ASTN2: variants seen among roughly 807,000 people sequenced by gnomAD.
ASTN2 encodes astrotactin 2.
A neutral mutation model predicts 139.8 loss-of-function variants in ASTN2; 54 were observed. The ratio of observed to expected loss-of-function variants is 0.39; its 90% confidence interval spans 0.31 to 0.48. The LOEUF is 0.48. Ranked by LOEUF, ASTN2 falls within the 20% of genes least tolerant of loss-of-function variation. The probability of loss-of-function intolerance (pLI) is 0.95; values close to 1 mark genes in which losing one functional copy is unlikely to be tolerated. For synonymous variants in ASTN2, 756 were observed against 719.5 expected (o/e 1.05, Z -0.81); for missense variants, 1,565 against 1,725.1 (o/e 0.91, Z 1.64).
intron 11 of ASTN2, among the ~76,000 whole-genome samples, chr9:116,822,207 T>C (rs2416575): frequency 0.79 from 120,028 of 150,988 alleles, 47,805 homozygotes; most frequent in East Asian, 0.91. Context: ...AAAAAAAAGG[T>C]CAGCCCTCTT....
chr9:116,806,568 G>A (rs1470125667), intron 12 of ASTN2, among the ~76,000 whole-genome samples: 1 of 152,140 alleles, frequency 6.6e-6, no homozygotes, highest in African/African-American at 2.4e-5. Context: ...TCAAAGTTCA[G>A]CGCTAAGCAC....
intron 7 of ASTN2, among the ~76,000 whole-genome samples, chr9:117,002,977 G>A (rs968662073): frequency 3.3e-5 from 5 of 152,136 alleles, no homozygotes; most frequent in Non-Finnish European, 7.3e-5. Context: ...TGGGCTGAAC[G>A]TGTAGGAAAT....
chr9:116,513,934 G>A (rs540358232), intron 19 of ASTN2, among the ~76,000 whole-genome samples: 9 of 151,782 alleles, frequency 5.9e-5, no homozygotes, highest in Middle Eastern at 3.4e-3. Flanking sequence ...TCTTCTTTGC[G>A]ATGGGTTCGA....
intron 19 of ASTN2, among the ~76,000 whole-genome samples, chr9:116,614,256 A>G (rs1855716433): frequency 6.6e-6 from 1 of 152,216 alleles, no homozygotes; most frequent in Non-Finnish European, 1.5e-5. Flanking sequence ...TTCCATGCTC[A>G]TGGATAGGAA....
At chr9:117,297,459 C>G (rs188363692) in intron 1 of ASTN2, among the ~76,000 whole-genome samples, 31 of 152,276 alleles carry the variant, frequency 2.0e-4, no homozygotes, top group Admixed American at 1.4e-3. Flanking sequence ...TAATGCAAAG[C>G]TTTATCATCT....
intron 3 of ASTN2, among the ~76,000 whole-genome samples, chr9:117,195,746 G>A (rs1400712951): frequency 6.6e-6 from 1 of 152,046 alleles, no homozygotes; most frequent in Middle Eastern, 3.2e-3. Flanking sequence ...CATTCACAGG[G>A]GGTGTCAGAA....
intron 13 of ASTN2, among the ~76,000 whole-genome samples, chr9:116,788,196 T>C (rs922102080): frequency 2.0e-5 from 3 of 152,070 alleles, no homozygotes; most frequent in South Asian, 4.2e-4. Flanking sequence ...AGATGAAGAA[T>C]AGGGAGAGAT....
intron 13 of ASTN2, among the ~76,000 whole-genome samples, chr9:116,755,685 G>T (rs1224137289): frequency 6.6e-6 from 1 of 152,224 alleles, no homozygotes; most frequent in East Asian, 1.9e-4. Flanking sequence ...AAGGGACTTT[G>T]CAGAGGAACA....
chr9:117,230,190 A>C (rs1252169262), intron 2 of ASTN2, among the ~76,000 whole-genome samples: 1 of 151,416 alleles, frequency 6.6e-6, no homozygotes, highest in Admixed American at 6.6e-5. Context: ...AGGCTGAAAA[A>C]AAAAAAATCA....
At chr9:117,296,705 G>A (rs1009031573) in intron 1 of ASTN2, among the ~76,000 whole-genome samples, 1 of 152,194 alleles carries the variant, frequency 6.6e-6, no homozygotes, top group Admixed American at 6.5e-5. Context: ...TGGGAGAATT[G>A]GTGCACCATG....
At chr9:116,547,390 A>G (rs1852143526) in intron 19 of ASTN2, 1 of 152,226 alleles carries the variant, frequency 6.6e-6, no homozygotes, top group South Asian at 2.1e-4. Context: ...TAAACTGTCT[A>G]AAGTCACATG....
At chr9:117,098,354 G>C (rs1391163225) in intron 4 of ASTN2, among the ~76,000 whole-genome samples, 6 of 152,132 alleles carry the variant, frequency 3.9e-5, no homozygotes, top group African/African-American at 1.2e-4. Context: ...AAACCAGGTG[G>C]AACTAATGCC....
At chr9:116,909,525 T>C (rs1008443493) in intron 10 of ASTN2, among the ~76,000 whole-genome samples, 3 of 152,142 alleles carry the variant, frequency 2.0e-5, no homozygotes, top group Non-Finnish European at 4.4e-5. Context: ...TCAGACATGG[T>C]ACGTTTGAGA....
intron 4 of ASTN2, among the ~76,000 whole-genome samples, chr9:117,120,018 G>GTATGTATATATA (rs1554780401): frequency 2.2e-5 from 1 of 46,000 alleles, no homozygotes; most frequent in African/African-American, 8.2e-5. Flanking sequence ...GTGTGTGTGT[G>GTATGTATATATA]TATATATATA....
At chr9:116,922,522 T>A (rs1180273333) in intron 10 of ASTN2, among the ~76,000 whole-genome samples, 1 of 152,162 alleles carries the variant, frequency 6.6e-6, no homozygotes, top group South Asian at 2.1e-4. Flanking sequence ...GTCACAAAAA[T>A]GCATGCACAA....
At chr9:116,964,216 GGTGTGTGTGTGTGTGTGTGTGT>G (rs56209166) in intron 10 of ASTN2, among the ~76,000 whole-genome samples, 2 of 140,708 alleles carry the variant, frequency 1.4e-5, no homozygotes, top group South Asian at 2.3e-4. Flanking sequence ...ACTGCCCTGG[GGTGTGTGTGTGTGTGTGTGTGT>G]GTGTGTGTGT....
At chr9:116,592,869 T>C (rs1854431101) in intron 19 of ASTN2, among the ~76,000 whole-genome samples, 5 of 152,206 alleles carry the variant, frequency 3.3e-5, no homozygotes. Flanking sequence ...ATGGATCTTT[T>C]CCCTTCATAA....
At chr9:117,055,215 A>G (rs73525381) in intron 5 of ASTN2, among the ~76,000 whole-genome samples, 15,941 of 152,240 alleles carry the variant, frequency 0.1, 1,036 homozygotes, top group Admixed American at 0.22. Context: ...ATTTACTTTG[A>G]CAACAAAAAT....
chr9:116,628,613 G>A (rs146049650), intron 17 of ASTN2, among the ~76,000 whole-genome samples: 17 of 152,290 alleles, frequency 1.1e-4, no homozygotes, highest in African/African-American at 3.9e-4. Flanking sequence ...AGGACTTACA[G>A]GGCAGTGAAA....
Sources: gnomAD v4.1 joint callset for allele counts (sites outside exome capture counted in the v4.1 genomes callset) on GRCh38, gnomAD v4.1.1 for gene constraint, MANE v1.5 for transcripts, NCBI Gene and HGNC (gene_info 2026-07-23, HGNC 2026-07-21) for gene names.